The following TTLL5 variants were observed in gnomAD, a reference collection of about 807,000 sequenced individuals.
TTLL5 encodes tubulin tyrosine ligase like 5, also known as tubulin polyglutamylase TTLL5.
In TTLL5, 132 loss-of-function variants were observed where a neutral mutation model predicts 168.4. The observed-to-expected ratio is 0.78, with a 90% CI of 0.68 to 0.91. The LOEUF (loss-of-function observed/expected upper bound fraction) is 0.91. TTLL5 is among the 40% of genes least tolerant of loss of function. The pLI is 0.00. For synonymous variants in TTLL5, 546 were observed against 558.6 expected (o/e 0.98, Z 0.32); for missense variants, 1,545 against 1,581.5 (o/e 0.98, Z 0.39).
chr14:75,766,007 G>A, intron 19 of TTLL5, 55 bp from the exon 20 acceptor site: 2 of 1,498,298 alleles, frequency 1.3e-6, no homozygotes, highest in South Asian at 2.6e-5. Context: ...AAGGTATTGG[G>A]AGAGAGGAAC....
At chr14:75,680,626 T>C (rs1222101488) in intron 3 of TTLL5, among the ~76,000 whole-genome samples, 1 of 146,744 alleles carries the variant, frequency 6.8e-6, no homozygotes, top group African/African-American at 2.6e-5. Flanking sequence ...TTTTTTTTTT[T>C]TTTTTTTTTT....
chr14:75,668,772 C>T (rs143417711), intron 2 of TTLL5, among the ~76,000 whole-genome samples: 30 of 152,192 alleles, frequency 2.0e-4, no homozygotes, highest in Non-Finnish European at 3.7e-4. Context: ...TGGACTATAG[C>T]GTGTAAAAGG....
At chr14:75,914,033 A>ATATATATATAT (rs1555356334) in intron 31 of TTLL5, among the ~76,000 whole-genome samples, 1 of 71,100 alleles carries the variant, frequency 1.4e-5, no homozygotes, top group African/African-American at 1.5e-4. Context: ...AAAAAAAAAA[A>ATATATATATAT]ATATATATAT....
intron 31 of TTLL5, among the ~76,000 whole-genome samples, chr14:75,935,213 G>T (rs147737589): frequency 6.6e-6 from 1 of 152,254 alleles, no homozygotes; most frequent in African/African-American, 2.4e-5. Context: ...AGTCTATGTG[G>T]CAAAGCTGTC....
chr14:75,874,100 A>G (rs2031266810), intron 29 of TTLL5, among the ~76,000 whole-genome samples: 1 of 151,824 alleles, frequency 6.6e-6, no homozygotes, highest in Admixed American at 6.6e-5. Flanking sequence ...TTATTTATTT[A>G]TTTATTTTTG....
intron 31 of TTLL5, 79 bp downstream of exon 31, chr14:75,902,303 C>A: frequency 7.2e-7 from 1 of 1,394,102 alleles, no homozygotes; most frequent in African/African-American, 1.4e-5. Flanking sequence ...TCTTCTGCCT[C>A]CAAAGAGAGC....
chr14:75,749,401 C>T (rs181467408), intron 17 of TTLL5, among the ~76,000 whole-genome samples: 41 of 152,148 alleles, frequency 2.7e-4, no homozygotes, highest in African/African-American at 9.6e-4. Flanking sequence ...TAGATAGAAA[C>T]CAAAATACTG....
chr14:75,766,035 G>A lies in TTLL5; in HGVS notation c.1709-27G>A, dbSNP rs763545554. On this transcript the variant is annotated intron_variant, in intron 19 of 31. Transcript: ENST00000298832. ...AGAGGAACATTTAATCCTTTTTTCA[G>A]CAACATTAGTGATTCTTCGTATTTA... is the stretch of plus-strand genomic sequence containing the variant. 6 of 1,573,234 alleles carry A rather than the reference G, an allele frequency of 3.8e-6. No homozygotes were observed. The South Asian group carries it at 7.0e-5, about 18-fold the overall frequency.
At chr14:75,872,912 C>CAA (rs71119400) in intron 29 of TTLL5, among the ~76,000 whole-genome samples, 104 of 131,118 alleles carry the variant, frequency 7.9e-4, no homozygotes, top group Middle Eastern at 3.9e-3. Flanking sequence ...AACTCCATCT[C>CAA]AAAAAAAAAA....
chr14:75,727,860 G>T (rs766190658), intron 12 of TTLL5: 3 of 500,188 alleles, frequency 6.0e-6, no homozygotes, highest in South Asian at 4.4e-5. Context: ...CAGGGATGGG[G>T]GAAAGGGCAG....
chr14:75,916,539 G>A (rs181744124), intron 31 of TTLL5, among the ~76,000 whole-genome samples: 47 of 152,236 alleles, frequency 3.1e-4, no homozygotes, highest in Non-Finnish European at 5.3e-4. Context: ...TTGGGAGACT[G>A]AGGTGGGAGG....
chr14:75,763,957 C>A (rs1011341309), intron 18 of TTLL5, among the ~76,000 whole-genome samples: 18 of 152,178 alleles, frequency 1.2e-4, no homozygotes, highest in African/African-American at 4.1e-4. Flanking sequence ...CCTTGCTCCA[C>A]CTTCTCCTGT....
intron 28 of TTLL5, among the ~76,000 whole-genome samples, chr14:75,847,150 C>T (rs1256764699): frequency 6.6e-6 from 1 of 151,816 alleles, no homozygotes; most frequent in Non-Finnish European, 1.5e-5. Context: ...TATAGGTGCC[C>T]ACCACCACAC....
At chr14:75,920,512 C>T (rs1306053474) in intron 31 of TTLL5, among the ~76,000 whole-genome samples, 1 of 152,074 alleles carries the variant, frequency 6.6e-6, no homozygotes, top group African/African-American at 2.4e-5. Flanking sequence ...TGGTTTTCTG[C>T]TTTGTGATAG....
intron 28 of TTLL5, among the ~76,000 whole-genome samples, chr14:75,842,879 T>C (rs923379881): frequency 7.9e-5 from 12 of 152,208 alleles, no homozygotes; most frequent in South Asian, 2.1e-4. Context: ...CTTCCATACC[T>C]GGACACTTCC....
Position 75,882,785 on chromosome 14 carries a change from C to G in TTLL5, c.3623C>G (p.Pro1208Arg), listed in dbSNP as rs1566644224. The G allele has an allele frequency of 6.2e-7, 1 of 1,614,094 alleles. No individual in the cohort carries two copies. The highest frequency in any genetic ancestry group is 8.5e-7 in the Non-Finnish European group (1 of 1,180,006). ...AGTGCCACAGCTAGTGGCCAGAAGCCAACCACTCTGCCACAAAAAGTGGTA... is the reference window on the plus strand; with the variant it reads ...AGTGCCACAGCTAGTGGCCAGAAGCGAACCACTCTGCCACAAAAAGTGGTA... ...ISSATASGQK[P>R]TTLPQKVVPP... is the part of the protein sequence containing the mutation. Residue 1208 changes from proline to arginine, a missense_variant, in exon 30 of 32, where the codon CCA becomes CGA. By Grantham distance (103) the Pro-to-Arg change is moderately radical. Transcript: ENST00000298832.
chr14:75,749,655 C>T (rs1349384223), intron 17 of TTLL5, among the ~76,000 whole-genome samples: 1 of 151,978 alleles, frequency 6.6e-6, no homozygotes, highest in Non-Finnish European at 1.5e-5. Flanking sequence ...GTTTATTTTT[C>T]CTAAATTACC....
intron 1 of TTLL5, among the ~76,000 whole-genome samples, chr14:75,662,500 ATTT>A (rs541035818): frequency 1.5e-5 from 2 of 133,508 alleles, no homozygotes; most frequent in African/African-American, 2.8e-5. Flanking sequence ...AATTTTTTGT[ATTT>A]TTTTTTTTTT....
chr14:75,678,732 C>T (rs183981582), intron 3 of TTLL5, among the ~76,000 whole-genome samples: 1 of 152,228 alleles, frequency 6.6e-6, no homozygotes, highest in East Asian at 1.9e-4. Context: ...GAAACTGTAT[C>T]CCCAGTGTAT....
Sources: allele counts gnomAD v4.1 joint callset (sites outside exome capture counted in the v4.1 genomes callset), GRCh38; gene constraint gnomAD v4.1.1; transcripts MANE v1.5; gene names NCBI Gene and HGNC (gene_info 2026-07-23, HGNC 2026-07-21).